Variants in ZBTB7C observed in about 807,000 individuals in gnomAD.
ZBTB7C encodes zinc finger and BTB domain containing 7C.
ZBTB7C carries 8 observed loss-of-function variants against 25.7 expected under a neutral mutation model. That is an observed-to-expected ratio of 0.31 (90% CI 0.18 to 0.56). The LOEUF (loss-of-function observed/expected upper bound fraction) is 0.56, where lower values mean the gene tolerates loss of function less well. ZBTB7C is among the 20% of genes least tolerant of loss of function. The pLI, the probability that ZBTB7C is intolerant of heterozygous loss-of-function variation, is 0.91. For synonymous variants in ZBTB7C, 394 were observed against 369.0 expected (o/e 1.07, Z -0.78); for missense variants, 824 against 855.2 (o/e 0.96, Z 0.46).
intron 2 of ZBTB7C, among the ~76,000 whole-genome samples, chr18:48,213,674 T>C (rs1376788762): frequency 1.3e-5 from 2 of 152,230 alleles, no homozygotes; most frequent in African/African-American, 4.8e-5. Context: ...AGACAGCATG[T>C]GCTTTATCCA....
chr18:48,074,000 G>C (rs945309341), intron 3 of ZBTB7C, among the ~76,000 whole-genome samples: 1 of 150,642 alleles, frequency 6.6e-6, no homozygotes, highest in Admixed American at 6.6e-5. Flanking sequence ...TGACTTTCTC[G>C]AAAAGAAAAA....
rs553215257 is a variant in ZBTB7C, at chr18:48,296,467, T to C, written c.-79+41707A>G. On this transcript the variant is annotated intron_variant, in intron 2 of 4. Coordinates refer to ENST00000590800, the MANE Select transcript of ZBTB7C (RefSeq NM_001318841.2). ...TTTTATTTTCCTTTAAGATGTCTCC[T>C]TTTGTTTTCCTCTCCCATCTCTATT... 4.9e-4 allele frequency among the ~76,000 whole-genome samples: 74 copies of C among 152,382 alleles called. 1 individual carries two copies. Among genetic ancestry groups the C allele is most frequent in the African/African-American group, 1.7e-3 (71 of 41,598 alleles).
chr18:48,151,041 T>C (rs1313454789), intron 3 of ZBTB7C, among the ~76,000 whole-genome samples: 2 of 152,200 alleles, frequency 1.3e-5, no homozygotes, highest in Non-Finnish European at 2.9e-5. Flanking sequence ...TAAGGATGCA[T>C]GCTGCCGATA....
intron 1 of ZBTB7C, among the ~76,000 whole-genome samples, chr18:48,388,696 A>T (rs4940367): frequency 6.6e-6 from 1 of 151,994 alleles, no homozygotes; most frequent in Non-Finnish European, 1.5e-5. Context: ...CTACAGTGAA[A>T]CATGATTGCA....
chr18:48,227,019 C>CAAAAAAAAAAA (rs1187830776), intron 2 of ZBTB7C, among the ~76,000 whole-genome samples: 23 of 56,078 alleles, frequency 4.1e-4, no homozygotes, highest in Admixed American at 8.3e-4. Flanking sequence ...GACTCCATCT[C>CAAAAAAAAAAA]AAAAAAAAAA....
intron 2 of ZBTB7C, among the ~76,000 whole-genome samples, chr18:48,275,193 G>T (rs2144598243): frequency 6.6e-6 from 1 of 152,326 alleles, no homozygotes; most frequent in Non-Finnish European, 1.5e-5. Context: ...CTGGCAGATT[G>T]TTTGCCTAAA....
chr18:48,267,782 G>A (rs980160422), intron 2 of ZBTB7C, among the ~76,000 whole-genome samples: 24 of 152,136 alleles, frequency 1.6e-4, no homozygotes, highest in Admixed American at 9.8e-4. Flanking sequence ...CTTACACCAC[G>A]TGAGAACACA....
intron 2 of ZBTB7C, among the ~76,000 whole-genome samples, chr18:48,309,114 G>C (rs954783937): frequency 2.0e-5 from 3 of 152,190 alleles, no homozygotes; most frequent in African/African-American, 7.2e-5. Context: ...GAAAGAAAAA[G>C]AGGTTGTAAA....
chr18:48,091,238 ATTTTTTTTTTTTT>A (rs35051690), intron 3 of ZBTB7C, among the ~76,000 whole-genome samples: 2 of 64,676 alleles, frequency 3.1e-5, no homozygotes, highest in Non-Finnish European at 5.4e-5. Flanking sequence ...TGCCCGGATA[ATTTTTTTTTTTTT>A]TTTTTTTTTT....
rs555776891 is a variant in ZBTB7C at position 48,129,011 on chromosome 18, T to C, written c.-17+56923A>G. 9.2e-5 allele frequency among the ~76,000 whole-genome samples: 14 copies of C among 152,056 alleles called. No homozygotes were observed. In the South Asian group the frequency reaches 2.9e-3, roughly 32 times the overall value. On this transcript the variant is annotated intron_variant, in intron 3 of 4. Transcript: ENST00000590800. The stretch of plus-strand genomic sequence containing the variant: ...GAACTGGATTTTCCTAATAACTAGG[T>C]TTGGTCATCAGAACGAGGGGATGAG...
Position 48,352,131 on chromosome 18 carries a change from C to T in ZBTB7C, c.-303-13733G>A, listed in dbSNP as rs117487488. Among the ~76,000 whole-genome samples the T allele has an allele frequency of 6.9e-3, 1,044 of 152,332 alleles. 6 individuals are homozygous for T. The highest frequency in any genetic ancestry group is 0.028 in the East Asian group (144 of 5,178). ...ATGTTCCTAGAGCACTTGTACTTTA[C>T]CCCATCCTCGCACCTTTGACTCTGA... On this transcript the variant is annotated intron_variant, in intron 1 of 4. Coordinates refer to ENST00000590800, the MANE Select transcript of ZBTB7C (RefSeq NM_001318841.2).
chr18:48,375,209 G>A (rs2047490955), intron 1 of ZBTB7C, among the ~76,000 whole-genome samples: 2 of 152,230 alleles, frequency 1.3e-5, no homozygotes, highest in Admixed American at 6.5e-5. Flanking sequence ...GCAAAGCAGA[G>A]CTACTTCCCA....
chr18:48,281,664 A>G (rs2044855047), intron 2 of ZBTB7C, among the ~76,000 whole-genome samples: 1 of 152,238 alleles, frequency 6.6e-6, no homozygotes, highest in South Asian at 2.1e-4. Flanking sequence ...ATGAACAGAC[A>G]CTTCTCAAAA....
intron 1 of ZBTB7C, among the ~76,000 whole-genome samples, chr18:48,340,744 C>T (rs1361816275): frequency 2.0e-5 from 3 of 152,152 alleles, no homozygotes; most frequent in South Asian, 2.1e-4. Context: ...GCCCTCACTC[C>T]GGGATTCTCA....
At chr18:48,330,819 C>T (rs1046170461) in intron 2 of ZBTB7C, among the ~76,000 whole-genome samples, 1 of 152,030 alleles carries the variant, frequency 6.6e-6, no homozygotes, top group Non-Finnish European at 1.5e-5. Flanking sequence ...GCATCTACCC[C>T]AGCTCCGGAC....
At chr18:48,055,866 C>T (rs1426793486) in intron 3 of ZBTB7C, among the ~76,000 whole-genome samples, 3 of 152,126 alleles carry the variant, frequency 2.0e-5, no homozygotes, top group African/African-American at 7.2e-5. Context: ...ATTCTCAAGG[C>T]AGGAGAATCT....
chr18:48,253,822 T>C (rs2043940131), intron 2 of ZBTB7C, among the ~76,000 whole-genome samples: 1 of 152,168 alleles, frequency 6.6e-6, no homozygotes, highest in South Asian at 2.1e-4. Flanking sequence ...AGAAATACAG[T>C]TATAATTAAG....
At chr18:48,373,586 G>C (rs995322939) in intron 1 of ZBTB7C, among the ~76,000 whole-genome samples, 1 of 152,174 alleles carries the variant, frequency 6.6e-6, no homozygotes, top group Non-Finnish European at 1.5e-5. Flanking sequence ...GATCATGGGG[G>C]CGGATTCTTC....
chr18:48,371,553 A>G (rs1289086740), intron 1 of ZBTB7C, among the ~76,000 whole-genome samples: 1 of 152,228 alleles, frequency 6.6e-6, no homozygotes, highest in South Asian at 2.1e-4. Flanking sequence ...GCCTGGCATA[A>G]GAGCCTGCCA....
Sources: gnomAD v4.1 joint callset for allele counts (sites outside exome capture counted in the v4.1 genomes callset) on GRCh38, gnomAD v4.1.1 for gene constraint, MANE v1.5 for transcripts, NCBI Gene and HGNC (gene_info 2026-07-23, HGNC 2026-07-21) for gene names.